ADAM10: variants seen among roughly 807,000 people sequenced by gnomAD.
ADAM10 encodes the protein disintegrin and metalloproteinase domain-containing protein 10.
Under a neutral mutation model 90.1 loss-of-function variants are expected in ADAM10, and 17 were observed. That is an observed-to-expected ratio of 0.19 (90% CI 0.13 to 0.28). The LOEUF (loss-of-function observed/expected upper bound fraction) is 0.28, where lower values mean the gene tolerates loss of function less well. Among genes scored for constraint, ADAM10 ranks in the 10% least tolerant of loss-of-function variants. The pLI, the probability that ADAM10 is intolerant of heterozygous loss-of-function variation, is 1.00. For synonymous variants in ADAM10, 310 were observed against 298.6 expected, an observed-to-expected ratio of 1.04 and a Z score of -0.40; for missense variants, 610 against 914.3, an observed-to-expected ratio of 0.67 and a Z score of 4.29.
chr15:58,697,071 G>A (rs1438724148), intron 2 of ADAM10, among the ~76,000 whole-genome samples: 1 of 152,162 alleles, frequency 6.6e-6, no homozygotes, highest in African/African-American at 2.4e-5. Context: ...CAGCAGAGCT[G>A]CTATGCATTT....
chr15:58,593,148 AATTTTTTTTTTTTTTTTTTTT>A lies in ADAM10; in HGVS notation c.*4378_*4398del, dbSNP rs1344361537. ...AAAAGTAACAAAGGCCAGGTACTCAAATTTTTTTTTTTTTTTTTTTTTTTTTTTTTTTTTTTTTTTTTTTTT... is the reference window on the plus strand; with the variant it reads ...AAAAGTAACAAAGGCCAGGTACTCAATTTTTTTTTTTTTTTTTTTTTTTTT... On this transcript the variant is annotated 3_prime_UTR_variant, in exon 16 of 16. Transcript: ENST00000260408. 3 of 110,510 alleles carry A rather than the reference AATTTTTTTTTTTTTTTTTTTT, an allele frequency of 2.7e-5. No homozygotes were observed. The highest frequency in any genetic ancestry group is 5.8e-5 in the Non-Finnish European group (3 of 51,794). 6.8% of individuals were successfully genotyped at this position (110,510 alleles called of 1,614,324 possible).
intron 14 of ADAM10, among the ~76,000 whole-genome samples, chr15:58,601,907 A>C (rs2140989315): frequency 6.6e-6 from 1 of 152,334 alleles, no homozygotes; most frequent in South Asian, 2.1e-4. Context: ...TAAGAATATC[A>C]CAGATGCTGT....
In ADAM10 at chr15:58,720,022, G is replaced by T. The variant is rs572902584; in HGVS notation, c.56-2295C>A. Reference sequence around the variant, plus strand: ...ACCAATATACACACACTGAAGCCAAGAATTCAGGAAGAAAAAACAAAACTG... The same window carrying T: ...ACCAATATACACACACTGAAGCCAATAATTCAGGAAGAAAAAACAAAACTG... On this transcript the variant is annotated intron_variant, in intron 1 of 15. Transcript: ENST00000260408. 1.6e-3 allele frequency among the ~76,000 whole-genome samples: 240 copies of T among 152,196 alleles called. 1 individual carries two copies. The highest frequency in any genetic ancestry group is 5.5e-3 in the African/African-American group (228 of 41,530).
At position 58,610,457 on chromosome 15, in the gene ADAM10, C is replaced by A; in HGVS notation, c.1865G>T (p.Arg622Leu). 6.2e-7 allele frequency: 1 copy of A among 1,614,096 alleles called. No individual in the cohort carries two copies. The highest frequency in any genetic ancestry group is 8.5e-7 in the Non-Finnish European group (1 of 1,180,022). Residue 622 changes from arginine (R) to leucine (L), a missense_variant, in exon 14 of 16, where the codon CGA becomes CTA. Coordinates refer to ENST00000260408, the MANE Select transcript of ADAM10 (RefSeq NM_001110.4). ...SVQWSRHFSG[R>L]TITLQPGSPC... ...GGATCCAGGTTGCAGGGTGATGGTT[C>A]GACCACTGAAGTGCCTACTCCACTG... is the stretch of plus-strand genomic sequence containing the variant.
Position 58,595,363 on chromosome 15 carries a change from CTCAGAGT to C in ADAM10, c.*2177_*2183del, listed in dbSNP as rs1301030450. 6.6e-5 allele frequency: 10 copies of C among 152,132 alleles called. No individual in the cohort carries two copies. The highest frequency in any genetic ancestry group is 6.5e-5 in the Admixed American group (1 of 15,278). The allele number at this position is 152,132 out of a possible 1,614,324, so 9.4% of individuals were successfully genotyped here. ...TTGTGGGAAGCTTCTTGTGATAGTT[CTCAGAGT>C]TCAAAGAGTATAGAACCTTCAAGTT... On this transcript the variant is annotated 3_prime_UTR_variant, in exon 16 of 16. Transcript: ENST00000260408.
intron 1 of ADAM10, among the ~76,000 whole-genome samples, chr15:58,740,823 G>A (rs72745009): frequency 0.013 from 1,990 of 152,280 alleles, 15 homozygotes; most frequent in Non-Finnish European, 0.023. Flanking sequence ...TGTGTTGAAG[G>A]AGGAATTACG....
intron 4 of ADAM10, among the ~76,000 whole-genome samples, chr15:58,665,960 C>T (rs1233033761): frequency 1.3e-5 from 2 of 151,830 alleles, no homozygotes; most frequent in Non-Finnish European, 2.9e-5. Flanking sequence ...ATGATTTTTT[C>T]CTACCTCAGT....
chr15:58,671,854 G>A (rs1395104111), intron 4 of ADAM10, among the ~76,000 whole-genome samples: 1 of 150,814 alleles, frequency 6.6e-6, no homozygotes, highest in African/African-American at 2.4e-5. Flanking sequence ...TTGTCATTAA[G>A]TTCTTGGCCT....
In ADAM10 at chr15:58,698,474, G is replaced by T. The variant is rs1434412923; in HGVS notation, c.207-16160C>A. The stretch of plus-strand genomic sequence containing the variant: ...ACCTGTAGTCCCAACTACTCAGGTG[G>T]TTGAGGTGGGAGGATCGCTTCAGCC... On this transcript the variant is annotated intron_variant, in intron 2 of 15. Transcript: ENST00000260408. 4.5e-5 allele frequency: 12 copies of T among 268,774 alleles called. 1 individual carries two copies. The highest frequency in any genetic ancestry group is 5.8e-5 in the Non-Finnish European group (8 of 138,480). 16.6% of individuals were successfully genotyped at this position (268,774 alleles called of 1,614,324 possible).
At chr15:58,691,030 T>C (rs1897767332) in intron 2 of ADAM10, 1 of 531,362 alleles carries the variant, frequency 1.9e-6, no homozygotes, top group South Asian at 1.6e-5. Flanking sequence ...AGGTGCTTTT[T>C]AGCCATCATA....
intron 3 of ADAM10, 42 bp from the exon 4 acceptor site, chr15:58,679,324 C>A: frequency 1.3e-6 from 2 of 1,581,042 alleles, no homozygotes; most frequent in Non-Finnish European, 8.7e-7. Context: ...TTAATTTGCA[C>A]ATGAATGTTA....
intron 10 of ADAM10, among the ~76,000 whole-genome samples, chr15:58,623,647 G>C (rs1432915214): frequency 1.4e-4 from 21 of 152,178 alleles, no homozygotes; most frequent in African/African-American, 4.6e-4. Context: ...AAAGGAATGA[G>C]ATCACGTCCT....
At chr15:58,599,804 T>C (rs1895060663) in intron 14 of ADAM10, 80 bp from the exon 15 acceptor site, 7 of 1,407,468 alleles carry the variant, frequency 5.0e-6, no homozygotes, top group Non-Finnish European at 6.9e-6. Context: ...ATATAAAACA[T>C]AGAATAGAAC....
chr15:58,622,669 C>A (rs969958649), intron 10 of ADAM10, among the ~76,000 whole-genome samples: 12 of 152,232 alleles, frequency 7.9e-5, no homozygotes, highest in Admixed American at 7.2e-4. Flanking sequence ...TGAGCCAGAT[C>A]TTGGTTGATT....
intron 4 of ADAM10, chr15:58,672,888 G>T (rs2033156): frequency 6.0e-6 from 1 of 165,446 alleles, no homozygotes; most frequent in African/African-American, 2.4e-5. Flanking sequence ...GGAAGATGAA[G>T]AGGATGAGGA....
intron 2 of ADAM10, among the ~76,000 whole-genome samples, chr15:58,688,678 G>A (rs1375095263): frequency 6.7e-6 from 1 of 149,118 alleles, no homozygotes; most frequent in Non-Finnish European, 1.5e-5. Context: ...GAAGGGGAGG[G>A]ACAGGGAAGA....
Position 58,597,497 on chromosome 15 carries a change from T to C in ADAM10, c.*50A>G. Reference sequence around the variant, plus strand: ...TGACTTAATAGGTTTCTCTTTGGAGTGAAGTTTTCCCATTGTAGGCACTAG... The same window carrying C: ...TGACTTAATAGGTTTCTCTTTGGAGCGAAGTTTTCCCATTGTAGGCACTAG... On this transcript the variant is annotated 3_prime_UTR_variant, in exon 16 of 16. Transcript: ENST00000260408. 2 of 1,613,876 alleles carry C rather than the reference T, an allele frequency of 1.2e-6. No individual in the cohort carries two copies. The highest frequency in any genetic ancestry group is 8.5e-7 in the Non-Finnish European group (1 of 1,179,916).
In ADAM10 at chr15:58,596,124, A is replaced by T. The variant is rs1894945517; in HGVS notation, c.*1423T>A. 6.6e-6 allele frequency: 1 copy of T among 152,062 alleles called. No homozygotes were observed. Among genetic ancestry groups the T allele is most frequent in the African/African-American group, 2.4e-5 (1 of 41,432 alleles). 9.4% of individuals were successfully genotyped at this position (152,062 alleles called of 1,614,324 possible). A position where few individuals can be genotyped will look rare whatever the true frequency, so the allele number is the denominator to read the frequency against. ...GAAAAAAAAAAACCCAAAACATAGA[A>T]ATCTTTACAACTTTCTCTAAATTTG... On this transcript the variant is annotated 3_prime_UTR_variant, in exon 16 of 16. Transcript: ENST00000260408.
chr15:58,655,727 A>AT (rs1555414938), intron 5 of ADAM10, among the ~76,000 whole-genome samples: 2 of 99,852 alleles, frequency 2.0e-5, no homozygotes, highest in Admixed American at 1.1e-4. Flanking sequence ...ATATATATAT[A>AT]TATATATATA....
Sources: gnomAD v4.1 joint callset for allele counts (sites outside exome capture counted in the v4.1 genomes callset) on GRCh38, gnomAD v4.1.1 for gene constraint, MANE v1.5 for transcripts, NCBI Gene and HGNC (gene_info 2026-07-23, HGNC 2026-07-21) for gene names.